The following TENM2 variants were observed in gnomAD, a reference collection of about 807,000 sequenced individuals.
The protein encoded by TENM2 is teneurin transmembrane protein 2.
A neutral mutation model predicts 245.2 loss-of-function variants in TENM2; 52 were observed. The ratio of observed to expected loss-of-function variants is 0.21; its 90% CI spans 0.17 to 0.27. The LOEUF (loss-of-function observed/expected upper bound fraction) is 0.27. Ranked by LOEUF, TENM2 falls within the 10% of genes least tolerant of loss-of-function variation. The pLI, the probability that TENM2 is intolerant of heterozygous loss-of-function variation, is 1.00. For missense variants in TENM2, 3,046 were observed against 3,666.8 expected, an observed-to-expected ratio of 0.83 and a Z score of 4.37; for synonymous variants, 1,363 against 1,438.9, an observed-to-expected ratio of 0.95 and a Z score of 1.19.
chr5:167,933,308 A>G (rs1250570927), intron 3 of TENM2, among the ~76,000 whole-genome samples: 1 of 152,232 alleles, frequency 6.6e-6, no homozygotes, highest in African/African-American at 2.4e-5. Context: ...CAAAAACTTC[A>G]GAGATGAACA....
intron 1 of TENM2, among the ~76,000 whole-genome samples, chr5:167,330,156 G>T (rs1757355773): frequency 6.6e-6 from 1 of 152,118 alleles, no homozygotes. Context: ...TTGGGAAGAG[G>T]ATACCAGTGA....
At chr5:167,616,593 G>C (rs1006748648) in intron 2 of TENM2, among the ~76,000 whole-genome samples, 17 of 151,916 alleles carry the variant, frequency 1.1e-4, no homozygotes, top group African/African-American at 4.1e-4. Flanking sequence ...AGGCTGTAAG[G>C]GTATTAGGGA....
chr5:168,234,056 T>C (rs781469298), intron 25 of TENM2, among the ~76,000 whole-genome samples: 26 of 152,192 alleles, frequency 1.7e-4, no homozygotes, highest in Non-Finnish European at 3.2e-4. Context: ...TCTCTTTCTG[T>C]TTCTCACAGC....
chr5:167,481,663 A>T (rs2127529526), intron 2 of TENM2, among the ~76,000 whole-genome samples: 1 of 152,326 alleles, frequency 6.6e-6, no homozygotes, highest in East Asian at 1.9e-4. Flanking sequence ...TAAGTATGAA[A>T]TAGAAGCTCA....
Position 167,993,194 on chromosome 5 carries a change from C to T in TENM2, c.1186+12C>T. 2 of 1,603,418 alleles carry T rather than the reference C, an allele frequency of 1.2e-6. No individual in the cohort carries two copies. The highest frequency in any genetic ancestry group is 1.7e-6 in the Non-Finnish European group (2 of 1,170,756). On this transcript the variant is annotated intron_variant, in intron 5 of 28. Transcript: ENST00000518659. ...GGCGTATTTCATAGGTAAGTCAGGG[C>T]AGCCTTATTCAGCAACGCTGGGGAT...
At chr5:167,066,247 A>G in the TENM2 span, among the ~76,000 whole-genome samples, 1 of 152,130 alleles carries the variant, frequency 6.6e-6, no homozygotes, top group Admixed American at 6.6e-5. Context: ...ATATTACCAA[A>G]CCAAGGAGTA....
At chr5:167,162,559 C>T in the TENM2 span, among the ~76,000 whole-genome samples, 5 of 150,674 alleles carry the variant, frequency 3.3e-5, no homozygotes, top group East Asian at 2.0e-4. Flanking sequence ...ATCTGGGAGG[C>T]GGAGTTTGCA....
chr5:168,214,354 G>T (rs1763012219), intron 20 of TENM2, among the ~76,000 whole-genome samples: 1 of 152,208 alleles, frequency 6.6e-6, no homozygotes, highest in Non-Finnish European at 1.5e-5. Flanking sequence ...GCAGACCGTG[G>T]CTCACGCCTG....
rs199518619 is a variant in TENM2, at chr5:167,976,825, AC to A, written c.948-16116del. On this transcript the variant is annotated intron_variant, in intron 4 of 28. Coordinates refer to ENST00000518659, the Ensembl canonical transcript of TENM2. Reference sequence around the variant, plus strand: ...ATTTCATGGATATCATTGGGTATATACCCAAATGAATATAAATTATTCTACT... The same window carrying A: ...ATTTCATGGATATCATTGGGTATATACCAAATGAATATAAATTATTCTACT... Among the ~76,000 whole-genome samples the A allele has an allele frequency of 4.0e-3, 609 of 152,336 alleles. 2 individuals are homozygous for A. The highest frequency in any genetic ancestry group is 0.014 in the African/African-American group (563 of 41,578).
chr5:168,185,747 C>T (rs1760329539), intron 13 of TENM2, among the ~76,000 whole-genome samples: 1 of 151,072 alleles, frequency 6.6e-6, no homozygotes, highest in South Asian at 2.1e-4. Context: ...GTATTTTTGC[C>T]AAGATTCAAC....
chr5:167,747,978 G>A (rs76440658), intron 2 of TENM2, among the ~76,000 whole-genome samples: 8,271 of 151,976 alleles, frequency 0.054, 750 homozygotes, highest in African/African-American at 0.19. Context: ...GAAACCTTTA[G>A]GTATGTGATC....
chr5:167,375,851 AT>A (rs151267377), intron 2 of TENM2, among the ~76,000 whole-genome samples: 1 of 151,770 alleles, frequency 6.6e-6, no homozygotes, highest in African/African-American at 2.4e-5. Context: ...AACCTGGGTT[AT>A]TTTTTTTCGT....
At chr5:167,980,703 G>T (rs1027145232) in intron 4 of TENM2, among the ~76,000 whole-genome samples, 29 of 152,224 alleles carry the variant, frequency 1.9e-4, no homozygotes, top group Admixed American at 1.9e-3. Flanking sequence ...TGGGGAGAAG[G>T]GGTGTAATGG....
rs1176625229 is a variant in TENM2, at chr5:168,115,430, AAAAAAAAG to A, written c.1814-2854_1814-2847del. 1.3e-3 allele frequency among the ~76,000 whole-genome samples: 182 copies of A among 137,118 alleles called. 2 individuals carry two copies. Among genetic ancestry groups the A allele is most frequent in the African/African-American group, 4.4e-3 (171 of 38,918 alleles). The allele number at this position is 137,118 out of a possible 152,430, so 90.0% of individuals were successfully genotyped here. A position where few individuals can be genotyped will look rare whatever the true frequency, so the allele number is the denominator to read the frequency against. On this transcript the variant is annotated intron_variant, in intron 9 of 28. Transcript: ENST00000518659. ...GAAGGGAAAGGAAAGGAAGGAAAGA[AAAAAAAAG>A]AAAAAAATTTTATCTATATTTTTTA... is the stretch of plus-strand genomic sequence containing the variant.
intron 2 of TENM2, among the ~76,000 whole-genome samples, chr5:167,405,442 A>G (rs192696284): frequency 6.6e-6 from 1 of 152,086 alleles, no homozygotes; most frequent in Non-Finnish European, 1.5e-5. Flanking sequence ...CCTTGGCCCA[A>G]TGTGAGGATA....
chr5:167,539,273 A>G (rs1772045934), intron 2 of TENM2, among the ~76,000 whole-genome samples: 1 of 152,218 alleles, frequency 6.6e-6, no homozygotes, highest in African/African-American at 2.4e-5. Flanking sequence ...CTTAATATTT[A>G]TGACTTGAAT....
the TENM2 span, among the ~76,000 whole-genome samples, chr5:167,085,332 G>T: frequency 2.0e-5 from 3 of 152,110 alleles, no homozygotes; most frequent in Non-Finnish European, 2.9e-5. Context: ...CTATATTTGG[G>T]ATCAGATACT....
chr5:167,470,701 A>G (rs1207116948), intron 2 of TENM2, among the ~76,000 whole-genome samples: 1 of 152,004 alleles, frequency 6.6e-6, no homozygotes, highest in Non-Finnish European at 1.5e-5. Context: ...GGCCAAATCA[A>G]GACCCTGGTA....
chr5:168,218,345 C>A lies in TENM2; in HGVS notation c.4454C>A (p.Thr1485Asn), dbSNP rs766220086. Reference sequence around the variant, plus strand: ...GCCAGTGCCATTGCCATTTCTCACACTGGGGTCCTCTACATCACTGAGACA... The same window carrying A: ...GCCAGTGCCATTGCCATTTCTCACAATGGGGTCCTCTACATCACTGAGACA... Residue 1485 changes from threonine (T) to asparagine (N), a missense_variant, in exon 23 of 29, where the codon ACT becomes AAT. Around this residue, in one of 2 missense-constraint regions of TENM2, gnomAD observed 2,704 missense variants for 3,331.9 expected, o/e 0.81. Transcript: ENST00000518659. The surrounding 1 kb of genome is among the most constrained non-coding windows in gnomAD (Gnocchi z 5.2). 3 of 1,613,914 alleles carry A rather than the reference C, an allele frequency of 1.9e-6. No individual in the cohort carries two copies. The African/African-American group carries it at 4.0e-5, about 22-fold the overall frequency.
Sources: allele counts gnomAD v4.1 joint callset (sites outside exome capture counted in the v4.1 genomes callset), GRCh38; gene constraint gnomAD v4.1.1; regional missense constraint gnomAD v4.1.1; non-coding constraint Gnocchi (gnomAD v3.1); transcripts MANE v1.5; gene names NCBI Gene and HGNC (gene_info 2026-07-23, HGNC 2026-07-21).